Variants in LARGE1 observed in about 807,000 individuals in gnomAD.
LARGE1 encodes xylosyl- and glucuronyltransferase LARGE1.
A neutral mutation model predicts 87.6 loss-of-function variants in LARGE1; 43 were observed. That is an observed-to-expected ratio of 0.49 (90% CI 0.38 to 0.63). LARGE1 has a LOEUF of 0.63. LARGE1 is among the 30% of genes least tolerant of loss of function. The pLI is 0.00. For synonymous variants in LARGE1, 434 were observed against 394.6 expected (o/e 1.10, Z -1.18); for missense variants, 802 against 1,000.2 (o/e 0.80, Z 2.67).
intron 1 of LARGE1, among the ~76,000 whole-genome samples, chr22:33,814,320 A>G (rs571862536): frequency 1.2e-4 from 18 of 152,302 alleles, no homozygotes; most frequent in African/African-American, 1.7e-4. Flanking sequence ...ACAGTCCCCA[A>G]TAGGGCCCAA....
At chr22:33,272,256 G>A (rs2145784459), downstream of LARGE1, among the ~76,000 whole-genome samples, 1 of 152,324 alleles carries the variant, frequency 6.6e-6, no homozygotes, top group African/African-American at 2.4e-5. Context: ...TCCTAACAGT[G>A]GTCCTCTCTA....
chr22:33,343,117 TTTTGTTTG>T (rs755111975), intron 9 of LARGE1, among the ~76,000 whole-genome samples: 2 of 152,082 alleles, frequency 1.3e-5, no homozygotes, highest in East Asian at 1.9e-4. Flanking sequence ...GGCTGGTGTT[TTTTGTTTG>T]TTTGTTTGTT....
intron 8 of LARGE1, among the ~76,000 whole-genome samples, chr22:33,382,800 T>C (rs561485672): frequency 1.6e-3 from 237 of 152,308 alleles, no homozygotes; most frequent in Admixed American, 3.3e-3. Context: ...CAAGTCACTG[T>C]GACCCGACTT....
chr22:33,615,859 G>A (rs1382252936), intron 4 of LARGE1, among the ~76,000 whole-genome samples: 2 of 151,946 alleles, frequency 1.3e-5, no homozygotes, highest in African/African-American at 2.4e-5. Flanking sequence ...TTGAGCAAAG[G>A]ATTTAAATAA....
intron 2 of LARGE1, chr22:33,733,196 A>ATATC (rs1249597802): frequency 6.6e-6 from 1 of 152,230 alleles, no homozygotes; most frequent in Non-Finnish European, 1.5e-5. Flanking sequence ...CGGCTCTCAG[A>ATATC]TTTTAGCTGC....
At chr22:33,428,481 T>C (rs2066957223) in intron 7 of LARGE1, among the ~76,000 whole-genome samples, 1 of 151,206 alleles carries the variant, frequency 6.6e-6, no homozygotes, top group Non-Finnish European at 1.5e-5. Context: ...GCCCAGCTAA[T>C]TTTTTGTATT....
chr22:33,339,955 C>G (rs1436345235), intron 9 of LARGE1, among the ~76,000 whole-genome samples: 1 of 152,190 alleles, frequency 6.6e-6, no homozygotes, highest in Non-Finnish European at 1.5e-5. Flanking sequence ...TGTGAGCTAC[C>G]ACGCCTGGCC....
chr22:33,541,236 G>C lies in LARGE1; in HGVS notation c.787+23612C>G, dbSNP rs149367128. On this transcript the variant is annotated intron_variant, in intron 6 of 14. Coordinates refer to ENST00000397394, the MANE Select transcript of LARGE1 (RefSeq NM_133642.5). Reference sequence around the variant, plus strand: ...AAAAAAGAAAATATGGCAGGGAGAGGTTAATTGGATCACCAAGATTACGGA... The same window carrying C: ...AAAAAAGAAAATATGGCAGGGAGAGCTTAATTGGATCACCAAGATTACGGA... Among the ~76,000 whole-genome samples the C allele has an allele frequency of 1.3e-4, 20 of 151,524 alleles. 1 individual carries two copies. The East Asian group carries it at 3.9e-3, about 29-fold the overall frequency.
At position 33,361,288 on chromosome 22, in the gene LARGE1, C is replaced by T. The variant is rs570965853; in HGVS notation, c.1131+20631G>A. Among the ~76,000 whole-genome samples, 2 of 149,778 alleles carry T rather than the reference C, an allele frequency of 1.3e-5. 1 individual carries two copies. Among genetic ancestry groups the T allele is most frequent in the South Asian group, 4.4e-4 (2 of 4,520 alleles). ...CTGGTTTGCTGTCTCTGGGTCTCTT[C>T]TTCAGCCTCTTGGAGCTGATGACTT... is the stretch of plus-strand genomic sequence containing the variant. On this transcript the variant is annotated intron_variant, in intron 9 of 14. Transcript: ENST00000397394.
chr22:33,557,086 C>T (rs962698888), intron 6 of LARGE1, among the ~76,000 whole-genome samples: 1 of 152,136 alleles, frequency 6.6e-6, no homozygotes, highest in African/African-American at 2.4e-5. Flanking sequence ...AGAGCCATTA[C>T]CTGACTTAAT....
At chr22:33,920,802 G>C (rs1477901462), upstream of LARGE1, among the ~76,000 whole-genome samples, 2 of 144,640 alleles carry the variant, frequency 1.4e-5, no homozygotes, top group Admixed American at 1.4e-4. Flanking sequence ...AGCGCCCGGC[G>C]CTCGGAGCTG....
At chr22:33,364,201 C>T (rs1335157724) in intron 9 of LARGE1, among the ~76,000 whole-genome samples, 1 of 152,238 alleles carries the variant, frequency 6.6e-6, no homozygotes, top group East Asian at 1.9e-4. Context: ...ACTACAGGCG[C>T]CCGCCACCAC....
At chr22:33,464,141 T>G (rs1266711246) in intron 6 of LARGE1, among the ~76,000 whole-genome samples, 1 of 152,164 alleles carries the variant, frequency 6.6e-6, no homozygotes, top group Non-Finnish European at 1.5e-5. Flanking sequence ...TATTCATTCA[T>G]ATATAGGAAC....
intron 12 of LARGE1, among the ~76,000 whole-genome samples, chr22:33,302,102 C>T (rs538408064): frequency 9.8e-5 from 15 of 152,306 alleles, no homozygotes; most frequent in Admixed American, 9.8e-4. Context: ...GGCACTCACT[C>T]CCATCATCTA....
At chr22:33,473,672 T>C (rs2068951752) in intron 6 of LARGE1, among the ~76,000 whole-genome samples, 1 of 152,240 alleles carries the variant, frequency 6.6e-6, no homozygotes, top group Non-Finnish European at 1.5e-5. Context: ...CTCGAACTCC[T>C]GACCTCAGGT....
At chr22:33,641,745 G>C (rs1244790003) in intron 3 of LARGE1, among the ~76,000 whole-genome samples, 2 of 152,104 alleles carry the variant, frequency 1.3e-5, no homozygotes, top group Non-Finnish European at 2.9e-5. Context: ...GCATACACAA[G>C]TATCGATAGC....
chr22:33,404,981 T>C (rs561657979), intron 7 of LARGE1, among the ~76,000 whole-genome samples: 25 of 152,364 alleles, frequency 1.6e-4, no homozygotes, highest in African/African-American at 6.0e-4. Flanking sequence ...CGAAGGACTC[T>C]GCACTTCTGC....
intron 4 of LARGE1, among the ~76,000 whole-genome samples, chr22:33,615,256 T>A (rs1317316966): frequency 6.6e-6 from 1 of 152,074 alleles, no homozygotes; most frequent in Non-Finnish European, 1.5e-5. Context: ...AAGGAAAGAA[T>A]GAATAAATGA....
intron 1 of LARGE1, among the ~76,000 whole-genome samples, chr22:33,843,583 A>C (rs2063344517): frequency 6.6e-6 from 1 of 152,098 alleles, no homozygotes; most frequent in East Asian, 1.9e-4. Flanking sequence ...ACCCTCTAGC[A>C]GTCCCACCAC....
Sources: allele counts gnomAD v4.1 joint callset (sites outside exome capture counted in the v4.1 genomes callset), GRCh38; gene constraint gnomAD v4.1.1; transcripts MANE v1.5; gene names NCBI Gene and HGNC (gene_info 2026-07-23, HGNC 2026-07-21).